TBC1D1: variants seen among roughly 807,000 people sequenced by gnomAD.
TBC1D1 encodes TBC1 (tre-2/USP6, BUB2, cdc16) domain family, member 1.
TBC1D1 carries 89 observed loss-of-function variants against 125.6 expected under a neutral mutation model. The ratio of observed to expected loss-of-function variants is 0.71; its 90% CI spans 0.60 to 0.85. TBC1D1 has a LOEUF of 0.85. Ranked by LOEUF, TBC1D1 falls within the 40% of genes least tolerant of loss-of-function variation. The probability of loss-of-function intolerance (pLI) is 0.00; values close to 1 mark genes in which losing one functional copy is unlikely to be tolerated. For missense variants in TBC1D1, 1,377 were observed against 1,469.2 expected (o/e 0.94, Z 1.03); for synonymous variants, 565 against 564.1 (o/e 1.00, Z -0.02).
chr4:38,025,253 G>T (rs1217891750), intron 6 of TBC1D1, among the ~76,000 whole-genome samples: 1 of 152,242 alleles, frequency 6.6e-6, no homozygotes, highest in African/African-American at 2.4e-5. Context: ...CTCTCTTGAT[G>T]CTGGTTACCT....
At chr4:37,968,789 A>T (rs1731517161) in intron 2 of TBC1D1, among the ~76,000 whole-genome samples, 1 of 144,906 alleles carries the variant, frequency 6.9e-6, no homozygotes. Flanking sequence ...ACAGGCAAGG[A>T]GGGATTGGAG....
chr4:38,018,227 C>G (rs947561188), intron 3 of TBC1D1, 127 bp from the exon 4 acceptor site: 1 of 709,736 alleles, frequency 1.4e-6, no homozygotes, highest in East Asian at 2.8e-5. Flanking sequence ...TAAGAGGGGA[C>G]CTTTGAAATG....
chr4:38,054,096 A>G lies in TBC1D1; in HGVS notation c.1911-103A>G, dbSNP rs1182700326. The G allele has an allele frequency of 9.6e-6, 12 of 1,256,102 alleles. No individual in the cohort carries two copies. The East Asian group carries it at 2.8e-4, about 29-fold the overall frequency. The allele number at this position is 1,256,102 out of a possible 1,614,324, so 77.8% of individuals were successfully genotyped here. A position where few individuals can be genotyped will look rare whatever the true frequency, so the allele number is the denominator to read the frequency against. ...CTGTGATTGATTATTTGTTTATACA[A>G]AGATAGTTGATAATTTAGTGATTTG... On this transcript the variant is annotated intron_variant, in intron 11 of 19. Transcript: ENST00000261439.
intron 2 of TBC1D1, among the ~76,000 whole-genome samples, chr4:37,972,903 CAAAA>C (rs33977382): frequency 8.6e-5 from 9 of 104,578 alleles, no homozygotes; most frequent in African/African-American, 7.6e-5. Context: ...ACTCCATCTC[CAAAA>C]AAAAAAAAAA....
chr4:38,006,682 T>A lies in TBC1D1; in HGVS notation c.418-7827T>A, dbSNP rs529650915. On this transcript the variant is annotated intron_variant, in intron 2 of 19. Transcript: ENST00000261439. ...TTTTAGTAGAGATGGGGTTTCACCATGTTAGCCAGGATGGGCTCAATCTCC... is the reference window on the plus strand; with the variant it reads ...TTTTAGTAGAGATGGGGTTTCACCAAGTTAGCCAGGATGGGCTCAATCTCC... 1.0e-4 allele frequency: 29 copies of A among 280,144 alleles called. No individual in the cohort carries two copies. In the East Asian group the frequency reaches 1.5e-3, roughly 14 times the overall value. 17.4% of individuals were successfully genotyped at this position (280,144 alleles called of 1,614,324 possible).
At chr4:38,017,572 C>T (rs191491665) in intron 3 of TBC1D1, among the ~76,000 whole-genome samples, 93 of 152,292 alleles carry the variant, frequency 6.1e-4, no homozygotes, top group African/African-American at 2.1e-3. Flanking sequence ...TTCCAACAAG[C>T]TTGTGTATCT....
intron 12 of TBC1D1, among the ~76,000 whole-genome samples, chr4:38,059,818 C>A (rs1277705772): frequency 1.3e-5 from 2 of 152,154 alleles, no homozygotes; most frequent in African/African-American, 4.8e-5. Context: ...TACCTATCAA[C>A]CCATCACCTA....
At chr4:38,009,983 C>A (rs1741133470) in intron 2 of TBC1D1, among the ~76,000 whole-genome samples, 1 of 152,090 alleles carries the variant, frequency 6.6e-6, no homozygotes, top group South Asian at 2.1e-4. Context: ...ATTGCTCCAA[C>A]AAAACTAAAA....
rs1488705276 is a variant in TBC1D1 at position 37,902,183 on chromosome 4, C to A, written c.88C>A (p.Pro30Thr). The A allele has an allele frequency of 5.0e-6, 8 of 1,614,072 alleles. No homozygotes were observed. The highest frequency in any genetic ancestry group is 5.9e-6 in the Non-Finnish European group (7 of 1,180,020). The change falls in exon 2 of 20, where the codon CCT becomes ACT. Residue 30 changes from proline (P) to threonine (T), a missense_variant. By Grantham distance (38) the Pro-to-Thr change is conservative (BLOSUM62 -1). This residue lies in a region of TBC1D1 where 822 missense variants were observed against 824.6 expected (regional missense o/e 1.00). Transcript: ENST00000261439. ...TGGCCTGCAGCTGGTGGGCTCCCTG[C>A]CTGTGCATTCCCTGACCACCATGCC... is the stretch of plus-strand genomic sequence containing the variant.
intron 14 of TBC1D1, 29 bp from the exon 17 acceptor site, chr4:38,102,970 T>A (rs768526063): frequency 6.2e-7 from 1 of 1,601,544 alleles, no homozygotes; most frequent in Non-Finnish European, 8.5e-7. Flanking sequence ...GTGCATAAAT[T>A]ATTTCCATGT....
chr4:38,064,376 A>T (rs1753311056), intron 12 of TBC1D1, among the ~76,000 whole-genome samples: 1 of 152,110 alleles, frequency 6.6e-6, no homozygotes. Flanking sequence ...GATTCTACCC[A>T]CGGGGATGGT....
chr4:37,935,830 G>T (rs1377303064), intron 2 of TBC1D1, among the ~76,000 whole-genome samples: 1 of 151,922 alleles, frequency 6.6e-6, no homozygotes, highest in Non-Finnish European at 1.5e-5. Flanking sequence ...ACATCTCCTG[G>T]CCCCACCATC....
chr4:38,102,930 CA>C, intron 14 of TBC1D1, 68 bp from the exon 17 acceptor site: 1 of 1,405,448 alleles, frequency 7.1e-7, no homozygotes, highest in Non-Finnish European at 9.6e-7. Flanking sequence ...ACATGAAACA[CA>C]ATTCATTTTT....
At chr4:38,058,705 C>G (rs572700416) in intron 12 of TBC1D1, among the ~76,000 whole-genome samples, 6 of 152,310 alleles carry the variant, frequency 3.9e-5, no homozygotes, top group African/African-American at 1.4e-4. Flanking sequence ...TTATACAGTT[C>G]CATCCATGTC....
chr4:38,103,840 G>C (rs1349545522), intron 15 of TBC1D1, among the ~76,000 whole-genome samples: 1 of 152,128 alleles, frequency 6.6e-6, no homozygotes, highest in African/African-American at 2.4e-5. Context: ...AGGTGTTATA[G>C]GTAATCTAGA....
At chr4:38,097,915 A>G (rs905945359) in intron 14 of TBC1D1, among the ~76,000 whole-genome samples, 5 of 152,306 alleles carry the variant, frequency 3.3e-5, no homozygotes, top group South Asian at 2.1e-4. Context: ...TTTGTTACGC[A>G]TTTTCCCTTT....
At chr4:37,966,162 T>C (rs1731013766) in intron 2 of TBC1D1, among the ~76,000 whole-genome samples, 1 of 152,200 alleles carries the variant, frequency 6.6e-6, no homozygotes, top group African/African-American at 2.4e-5. Flanking sequence ...GTTCAGAGAA[T>C]GTGACATGAA....
intron 2 of TBC1D1, among the ~76,000 whole-genome samples, chr4:37,991,180 A>G (rs918912286): frequency 2.0e-5 from 3 of 152,224 alleles, no homozygotes; most frequent in East Asian, 1.9e-4. Context: ...TCCCAAATGT[A>G]GTAAATCCCA....
At chr4:38,088,627 A>G (rs958430246) in intron 12 of TBC1D1, among the ~76,000 whole-genome samples, 3 of 152,136 alleles carry the variant, frequency 2.0e-5, no homozygotes, top group Non-Finnish European at 4.4e-5. Flanking sequence ...AAGATATGAT[A>G]GCAAACAATA....
Sources: allele counts gnomAD v4.1 joint callset (sites outside exome capture counted in the v4.1 genomes callset), GRCh38; gene constraint gnomAD v4.1.1; regional missense constraint gnomAD v4.1.1; transcripts MANE v1.5; gene names NCBI Gene and HGNC (gene_info 2026-07-23, HGNC 2026-07-21).